The following NHS variants were observed in gnomAD, a reference collection of about 807,000 sequenced individuals.
NHS encodes the protein NHS actin remodeling regulator.
Under a neutral mutation model 72.5 loss-of-function variants are expected in NHS, and 5 were observed. The observed-to-expected ratio is 0.07, with a 90% confidence interval of 0.04 to 0.14. NHS has a LOEUF of 0.14. NHS is among the 10% of genes least tolerant of loss of function. NHS has a pLI of 1.00. For synonymous variants in NHS, 464 were observed against 547.7 expected, an observed-to-expected ratio of 0.85 and a Z score of 2.13; for missense variants, 1,072 against 1,355.7, an observed-to-expected ratio of 0.79 and a Z score of 3.29.
chrX:17,537,864 G>T (rs186506679), intron 1 of NHS, among the ~76,000 whole-genome samples: 2 of 111,782 alleles, frequency 1.8e-5, no homozygotes, highest in Non-Finnish European at 3.8e-5. Context: ...GAGGCTGGGG[G>T]CACGCGACGC....
At chrX:17,614,867 C>T (rs1262636830) in intron 1 of NHS, among the ~76,000 whole-genome samples, 1 of 109,516 alleles carries the variant, frequency 9.1e-6, no homozygotes, top group African/African-American at 3.3e-5. Flanking sequence ...AAAGAGTTTG[C>T]AGTGCTTTTT....
At chrX:17,421,368 A>G (rs977592729) in intron 1 of NHS, among the ~76,000 whole-genome samples, 1 of 109,439 alleles carries the variant, frequency 9.1e-6, no homozygotes, top group South Asian at 3.9e-4. Flanking sequence ...GCGGAGAGTC[A>G]TTTTTTCCTG....
At chrX:17,453,051 C>A (rs957355932) in intron 1 of NHS, among the ~76,000 whole-genome samples, 41 of 112,215 alleles carry the variant, frequency 3.7e-4, no homozygotes, top group Non-Finnish European at 7.5e-4. Context: ...TGTAGTTAAA[C>A]CAGGCTTGTA....
At chrX:17,552,832 C>T (rs1027817496) in intron 1 of NHS, among the ~76,000 whole-genome samples, 5 of 112,528 alleles carry the variant, frequency 4.4e-5, no homozygotes, top group Non-Finnish European at 9.4e-5. Context: ...AATCTCAGGC[C>T]CCAGCCCAGA....
intron 1 of NHS, among the ~76,000 whole-genome samples, chrX:17,546,323 A>T (rs1410682129): frequency 8.9e-6 from 1 of 112,473 alleles, no homozygotes; most frequent in Non-Finnish European, 1.9e-5. Flanking sequence ...AACAGGGTGC[A>T]GCTGGCAAAA....
chrX:17,464,999 G>A (rs1025415887), intron 1 of NHS, among the ~76,000 whole-genome samples: 1 of 112,176 alleles, frequency 8.9e-6, no homozygotes, highest in African/African-American at 3.2e-5. Flanking sequence ...TGGTATATCG[G>A]CAAAGTGCTT....
chrX:17,630,009 G>T (rs1022889163), intron 1 of NHS, among the ~76,000 whole-genome samples: 3 of 107,993 alleles, frequency 2.8e-5, no homozygotes, highest in African/African-American at 1.0e-4. Context: ...GAAGAGAGAG[G>T]GCACAAATCG....
chrX:17,656,912 T>C (rs1370805725), intron 1 of NHS, among the ~76,000 whole-genome samples: 2 of 112,792 alleles, frequency 1.8e-5, no homozygotes, highest in African/African-American at 6.4e-5. Flanking sequence ...CCTCTCCTGT[T>C]TTCCTGCCCT....
chrX:17,424,500 TG>T (rs2064640015), intron 1 of NHS, among the ~76,000 whole-genome samples: 1 of 111,979 alleles, frequency 8.9e-6, no homozygotes, highest in Non-Finnish European at 1.9e-5. Context: ...ATGAGTGGTC[TG>T]GGTGCAGGGC....
chrX:17,553,823 A>G (rs1397065666), intron 1 of NHS, among the ~76,000 whole-genome samples: 3 of 111,145 alleles, frequency 2.7e-5, no homozygotes, highest in Non-Finnish European at 3.8e-5. Context: ...TCCATTAACA[A>G]ATATTTGCAA....
chrX:17,594,877 G>C (rs746978617), intron 1 of NHS, among the ~76,000 whole-genome samples: 1 of 112,378 alleles, frequency 8.9e-6, no homozygotes, highest in Non-Finnish European at 1.9e-5. Context: ...CTTGAAGTAG[G>C]GCACTGGCCT....
chrX:17,403,792 C>G (rs996072671), intron 1 of NHS, among the ~76,000 whole-genome samples: 1 of 111,184 alleles, frequency 9.0e-6, no homozygotes, highest in Non-Finnish European at 1.9e-5. Flanking sequence ...TTTCCTGGCT[C>G]CCTCTCTCTT....
chrX:17,479,070 A>G (rs1011742898), intron 1 of NHS, among the ~76,000 whole-genome samples: 12 of 110,741 alleles, frequency 1.1e-4, no homozygotes, highest in African/African-American at 3.6e-4. Flanking sequence ...TCACTCCCCA[A>G]CAGGCCCTGG....
intron 1 of NHS, among the ~76,000 whole-genome samples, chrX:17,538,252 C>G (rs2065240023): frequency 8.9e-6 from 1 of 112,170 alleles, no homozygotes; most frequent in African/African-American, 3.2e-5. Context: ...TAAAAGTGCA[C>G]TGCCTTTCCT....
intron 1 of NHS, among the ~76,000 whole-genome samples, chrX:17,529,833 C>T (rs768585492): frequency 1.8e-5 from 2 of 111,499 alleles, no homozygotes; most frequent in Admixed American, 9.5e-5. Flanking sequence ...AAGGAGATTT[C>T]GTGTTTAGGG....
chrX:17,470,892 G>A (rs113368356), intron 1 of NHS, among the ~76,000 whole-genome samples: 10,627 of 110,981 alleles, frequency 0.096, 1,289 homozygotes, highest in African/African-American at 0.33. Context: ...ACTTTGTTTC[G>A]TAGCAATTGA....
At chrX:17,635,476 AAGC>A (rs2065841341) in intron 1 of NHS, 3 of 1,167,262 alleles carry the variant, frequency 2.6e-6, no homozygotes, top group Middle Eastern at 2.5e-4. Flanking sequence ...TTGCTGACTT[AAGC>A]AGATCAGCTT....
At chrX:17,541,998 A>T (rs969139820) in intron 1 of NHS, among the ~76,000 whole-genome samples, 1 of 111,934 alleles carries the variant, frequency 8.9e-6, no homozygotes, top group African/African-American at 3.3e-5. Context: ...ATAGCTTGTA[A>T]TCCCAATTTC....
intron 1 of NHS, among the ~76,000 whole-genome samples, chrX:17,656,756 G>A (rs1034979672): frequency 8.9e-6 from 1 of 112,627 alleles, no homozygotes; most frequent in Admixed American, 9.3e-5. Context: ...TGGGTGGAGG[G>A]GTCTGCAGGG....
Sources: allele counts gnomAD v4.1 joint callset (sites outside exome capture counted in the v4.1 genomes callset), GRCh38; gene constraint gnomAD v4.1.1; transcripts MANE v1.5; gene names NCBI Gene and HGNC (gene_info 2026-07-23, HGNC 2026-07-21).